Variants in SUPT3H observed in about 807,000 individuals in gnomAD.
The protein encoded by SUPT3H is SPT3 homolog, SAGA and STAGA complex component.
SUPT3H carries 44 observed loss-of-function variants against 44.3 expected under a neutral mutation model. The ratio of observed to expected loss-of-function variants is 0.99; its 90% CI spans 0.78 to 1.28. SUPT3H has a LOEUF of 1.28. SUPT3H is among the 50% of genes most tolerant of loss of function. The pLI, the probability that SUPT3H is intolerant of heterozygous loss-of-function variation, is 0.00. For synonymous variants in SUPT3H, 124 were observed against 125.6 expected (o/e 0.99, Z 0.09); for missense variants, 380 against 387.1 (o/e 0.98, Z 0.15).
chr6:45,036,287 T>C (rs1383610290), intron 3 of SUPT3H, among the ~76,000 whole-genome samples: 1 of 152,074 alleles, frequency 6.6e-6, no homozygotes, highest in Non-Finnish European at 1.5e-5. Context: ...GAACACCCCA[T>C]GCAAAGGGAA....
intron 2 of SUPT3H, among the ~76,000 whole-genome samples, chr6:45,339,481 G>GA (rs1195802948): frequency 1.3e-5 from 2 of 152,058 alleles, no homozygotes; most frequent in African/African-American, 2.4e-5. Context: ...TTGTTCACAA[G>GA]AAAAAATTAG....
chr6:45,327,198 TA>T (rs1786501526), intron 2 of SUPT3H, among the ~76,000 whole-genome samples: 1 of 151,942 alleles, frequency 6.6e-6, no homozygotes, highest in East Asian at 1.9e-4. Context: ...TCGAGACGAC[TA>T]ACATACTCTG....
At chr6:45,192,183 G>T (rs1470858813) in intron 2 of SUPT3H, among the ~76,000 whole-genome samples, 1 of 151,998 alleles carries the variant, frequency 6.6e-6, no homozygotes, top group African/African-American at 2.4e-5. Context: ...TCTTTTACAG[G>T]CAGTTAACTG....
At position 44,932,706 on chromosome 6, in the gene SUPT3H, T is replaced by C. The variant is rs752114840; in HGVS notation, c.859A>G (p.Arg287Gly). ...TGGCTGTAGCGTCGAATGGCCTCTC[T>C]GATGTGGCAGGGCTGGATGGCATCG... ...HSDAIQPCHIREAIRRYSHRI... is the reference protein window; with the variant it reads ...HSDAIQPCHIGEAIRRYSHRI... The change falls in exon 10 of 11, where the codon AGA becomes GGA. Residue 287 changes from arginine (R) to glycine (G), a missense_variant. Transcript: ENST00000371459. The C allele has an allele frequency of 7.4e-6, 12 of 1,611,902 alleles. No homozygotes were observed. Among genetic ancestry groups the C allele is most frequent in the African/African-American group, 1.3e-5 (1 of 74,790 alleles).
At chr6:45,276,151 CA>C (rs1364869796) in intron 2 of SUPT3H, among the ~76,000 whole-genome samples, 1 of 151,768 alleles carries the variant, frequency 6.6e-6, no homozygotes, top group African/African-American at 2.4e-5. Flanking sequence ...TTTATTTTAC[CA>C]AAAATGTCAA....
intron 2 of SUPT3H, among the ~76,000 whole-genome samples, chr6:45,167,566 T>C (rs1246422835): frequency 6.6e-6 from 1 of 152,212 alleles, no homozygotes; most frequent in East Asian, 1.9e-4. Flanking sequence ...ATAATTAATG[T>C]TTTGATCATC....
intron 2 of SUPT3H, among the ~76,000 whole-genome samples, chr6:45,318,240 T>C (rs1784987937): frequency 6.6e-6 from 1 of 151,946 alleles, no homozygotes; most frequent in South Asian, 2.1e-4. Context: ...AAGAAAAAAA[T>C]AGTTATTAAC....
chr6:44,891,743 C>A (rs1381686119), intron 10 of SUPT3H, among the ~76,000 whole-genome samples: 3 of 151,016 alleles, frequency 2.0e-5, no homozygotes, highest in African/African-American at 7.3e-5. Context: ...AAAATGGTTA[C>A]ACTGGTAAAT....
At chr6:44,816,826 G>C (rs1037107980) in intron 11 of SUPT3H, among the ~76,000 whole-genome samples, 1 of 152,140 alleles carries the variant, frequency 6.6e-6, no homozygotes, top group Non-Finnish European at 1.5e-5. Context: ...GGCCAAGGTG[G>C]GAAGATCACT....
chr6:45,030,274 A>C (rs185151413), intron 3 of SUPT3H, among the ~76,000 whole-genome samples: 1 of 152,296 alleles, frequency 6.6e-6, no homozygotes, highest in Admixed American at 6.5e-5. Context: ...GCATTTCTTA[A>C]AATTCAGAAC....
rs1233327922 is a variant in SUPT3H, at chr6:45,131,943, C to A, written c.102-25937G>T. Among the ~76,000 whole-genome samples the A allele has an allele frequency of 2.0e-5, 3 of 152,084 alleles. No individual in the cohort carries two copies. In the East Asian group the frequency reaches 5.8e-4, roughly 29 times the overall value. On this transcript the variant is annotated intron_variant, in intron 2 of 10. Transcript: ENST00000371459. ...GCCTGAAACTGGGTAGTACGGAATC[C>A]TAAACATACATTGTTTTTCCTATAA...
At chr6:45,149,152 T>C (rs1007664893) in intron 2 of SUPT3H, among the ~76,000 whole-genome samples, 25 of 152,156 alleles carry the variant, frequency 1.6e-4, no homozygotes, top group African/African-American at 5.8e-4. Flanking sequence ...AAATATGCAT[T>C]GGTATGAACA....
At chr6:44,810,776 C>T (rs1165359358) in intron 11 of SUPT3H, among the ~76,000 whole-genome samples, 1 of 151,996 alleles carries the variant, frequency 6.6e-6, no homozygotes, top group African/African-American at 2.4e-5. Context: ...CCTGGTGGCA[C>T]ATGCCTGTAG....
At chr6:45,023,271 AAAAC>A (rs1247726164) in intron 3 of SUPT3H, among the ~76,000 whole-genome samples, 5 of 152,162 alleles carry the variant, frequency 3.3e-5, no homozygotes, top group East Asian at 1.9e-4. Flanking sequence ...TCAAAAAAAA[AAAAC>A]AAACCAGATG....
intron 3 of SUPT3H, among the ~76,000 whole-genome samples, chr6:45,069,588 C>T (rs1423044721): frequency 6.6e-6 from 1 of 152,068 alleles, no homozygotes; most frequent in Non-Finnish European, 1.5e-5. Flanking sequence ...GAAAACAGTA[C>T]ACTCATAGTC....
At chr6:45,130,299 T>C (rs1803230404) in intron 2 of SUPT3H, among the ~76,000 whole-genome samples, 1 of 152,190 alleles carries the variant, frequency 6.6e-6, no homozygotes, top group Admixed American at 6.5e-5. Context: ...TCTTTTCTCT[T>C]TTACTTAACA....
rs908473605 is a variant in SUPT3H at position 45,104,246 on chromosome 6, T to A, written c.186+1676A>T. On this transcript the variant is annotated intron_variant, in intron 3 of 10. Coordinates refer to ENST00000371459, the MANE Select transcript of SUPT3H (RefSeq NM_003599.4). ...TTTGACTTTAAAGGAAAAGTTATAA[T>A]GTTGTCATATAAAAATAGTAACATA... Among the ~76,000 whole-genome samples the A allele has an allele frequency of 1.1e-4, 16 of 152,250 alleles. 1 individual carries two copies. Among genetic ancestry groups the A allele is most frequent in the African/African-American group, 3.6e-4 (15 of 41,586 alleles).
chr6:44,844,326 A>C (rs969815098), intron 10 of SUPT3H, among the ~76,000 whole-genome samples: 1 of 152,208 alleles, frequency 6.6e-6, no homozygotes, highest in African/African-American at 2.4e-5. Context: ...CCTTATAAGC[A>C]AAGCTTTCTT....
chr6:45,018,808 C>A (rs977708396), intron 4 of SUPT3H, among the ~76,000 whole-genome samples: 1 of 151,736 alleles, frequency 6.6e-6, no homozygotes, highest in African/African-American at 2.4e-5. Context: ...CTAAAATTCT[C>A]TTTTTTGGTT....
Sources: gnomAD v4.1 joint callset for allele counts (sites outside exome capture counted in the v4.1 genomes callset) on GRCh38, gnomAD v4.1.1 for gene constraint, MANE v1.5 for transcripts, NCBI Gene and HGNC (gene_info 2026-07-23, HGNC 2026-07-21) for gene names.